STPG4: variants seen among roughly 807,000 people sequenced by gnomAD.
STPG4 encodes the protein sperm-tail PG-rich repeat containing 4.
A neutral mutation model predicts 31.5 loss-of-function variants in STPG4; 41 were observed. The observed-to-expected ratio is 1.30, with a 90% CI of 1.01 to 1.69. The LOEUF is 1.69. Among genes scored for constraint, STPG4 ranks in the 40% most tolerant of loss-of-function variants. The pLI, the probability that STPG4 is intolerant of heterozygous loss-of-function variation, is 0.00. For synonymous variants in STPG4, 141 were observed against 103.0 expected, an observed-to-expected ratio of 1.37 and a Z score of -2.24; for missense variants, 375 against 293.4, an observed-to-expected ratio of 1.28 and a Z score of -2.03.
chr2:47,149,067 A>G (rs1686884235), intron 3 of STPG4, among the ~76,000 whole-genome samples: 1 of 152,224 alleles, frequency 6.6e-6, no homozygotes, highest in Non-Finnish European at 1.5e-5. Flanking sequence ...TTTGAATTTT[A>G]CTGGTGACTA....
chr2:47,143,350 TA>T (rs1438642979), intron 3 of STPG4, among the ~76,000 whole-genome samples: 1 of 152,230 alleles, frequency 6.6e-6, no homozygotes, highest in Non-Finnish European at 1.5e-5. Context: ...AGTACTTATA[TA>T]GTTGATCACC....
chr2:47,151,258 C>A lies in STPG4; in HGVS notation c.399G>T (p.Gln133His), dbSNP rs562258261. Reference sequence around the variant, plus strand: ...AAGCAATCTGCCAGTAGCGCTTTACCTGATCTTTGTCAACTAGTGTGCTGG... The same window carrying A: ...AAGCAATCTGCCAGTAGCGCTTTACATGATCTTTGTCAACTAGTGTGCTGG... The part of the protein sequence containing the change: ...PSPSTLVDKD[Q>H]SLQLSPGQYN... The change falls in exon 3 of 7, where the codon CAG (glutamine) becomes CAT (histidine). Residue 133 changes from glutamine (Q) to histidine (H), a missense_variant and splice_region_variant. Physicochemically the swap from Gln to His is conservative, Grantham distance 24 (BLOSUM62 0). Coordinates refer to ENST00000445927, the MANE Select transcript of STPG4 (RefSeq NM_001163561.2). 5 of 1,614,108 alleles carry A rather than the reference C, an allele frequency of 3.1e-6. No homozygotes were observed. In the East Asian group the frequency reaches 1.1e-4, roughly 36 times the overall value.
intron 5 of STPG4, among the ~76,000 whole-genome samples, chr2:47,103,057 A>T (rs1274598363): frequency 2.0e-5 from 3 of 151,956 alleles, no homozygotes; most frequent in Non-Finnish European, 4.4e-5. Flanking sequence ...ACAGAATGAC[A>T]GCCGACGAAA....
chr2:47,089,584 T>C (rs1198332810), intron 6 of STPG4, among the ~76,000 whole-genome samples: 1 of 152,118 alleles, frequency 6.6e-6, no homozygotes, highest in Non-Finnish European at 1.5e-5. Context: ...CAGCAAGTCT[T>C]GGGGACTTTC....
chr2:47,094,429 G>A (rs954139557), intron 5 of STPG4, among the ~76,000 whole-genome samples: 1 of 152,288 alleles, frequency 6.6e-6, no homozygotes, highest in Admixed American at 6.5e-5. Flanking sequence ...CTCCTGATGA[G>A]AATATCATTC....
intron 5 of STPG4, among the ~76,000 whole-genome samples, chr2:47,101,460 C>A (rs760370308): frequency 6.6e-6 from 1 of 151,780 alleles, no homozygotes; most frequent in Non-Finnish European, 1.5e-5. Flanking sequence ...CTGACCCTTG[C>A]CCCCTGGGTC....
chr2:47,121,847 CGTGTGTGTGTGTGTGTGT>C (rs10538224), intron 5 of STPG4, among the ~76,000 whole-genome samples: 3 of 144,328 alleles, frequency 2.1e-5, no homozygotes, highest in South Asian at 4.5e-4. Context: ...GCCCTCTCCT[CGTGTGTGTGTGTGTGTGT>C]GTGTGTGTGT....
intron 5 of STPG4, among the ~76,000 whole-genome samples, chr2:47,117,623 A>G (rs1686178651): frequency 6.6e-6 from 1 of 152,224 alleles, no homozygotes; most frequent in South Asian, 2.1e-4. Context: ...TAATATGTAT[A>G]AGTTTGTGTG....
chr2:47,147,809 C>A (rs1249452572), intron 3 of STPG4, among the ~76,000 whole-genome samples: 1 of 151,912 alleles, frequency 6.6e-6, no homozygotes, highest in Non-Finnish European at 1.5e-5. Flanking sequence ...TACATATATT[C>A]TACAATGTGA....
intron 2 of STPG4, 67 bp downstream of exon 2, chr2:47,152,890 T>C: frequency 2.6e-6 from 3 of 1,174,550 alleles, no homozygotes; most frequent in South Asian, 1.5e-5. Context: ...TCTTAAAAGC[T>C]ATAATTGATT....
chr2:47,107,759 G>A lies in STPG4; in HGVS notation c.520-17385C>T, dbSNP rs893008488. ...CTGGGCTCCTGAGTCTGGTGGGGAC[G>A]TGGAGAACCTTTATGTCTAGCTCAG... is the stretch of plus-strand genomic sequence containing the variant. On this transcript the variant is annotated intron_variant, in intron 5 of 6. Transcript: ENST00000445927. Among the ~76,000 whole-genome samples the A allele has an allele frequency of 7.2e-5, 11 of 152,262 alleles. No homozygotes were observed. The East Asian group carries it at 1.2e-3, about 16-fold the overall frequency.
At chr2:47,088,446 T>C (rs982124835) in intron 6 of STPG4, among the ~76,000 whole-genome samples, 13 of 152,182 alleles carry the variant, frequency 8.5e-5, no homozygotes, top group Admixed American at 7.2e-4. Context: ...CCAACAAGCC[T>C]GAGTTCCAGT....
chr2:47,155,141 G>A lies in STPG4; in HGVS notation c.81+30C>T, dbSNP rs765464309. The stretch of plus-strand genomic sequence containing the variant: ...AGTGGGCCTGGTGAGGGGAGCAGGA[G>A]CCAGGCCGGCAAGGGGCAGGCCATC... On this transcript the variant is annotated intron_variant, in intron 1 of 6. Coordinates refer to ENST00000445927, the MANE Select transcript of STPG4 (RefSeq NM_001163561.2). 1.3e-5 allele frequency: 21 copies of A among 1,605,012 alleles called. No homozygotes were observed. In the East Asian group the frequency reaches 4.2e-4, roughly 32 times the overall value.
chr2:47,136,501 G>A (rs1485326087), intron 3 of STPG4, among the ~76,000 whole-genome samples: 2 of 152,104 alleles, frequency 1.3e-5, no homozygotes, highest in African/African-American at 4.8e-5. Context: ...TTTAGATCGT[G>A]TACATATTTT....
At chr2:47,141,759 T>C (rs974531399) in intron 3 of STPG4, among the ~76,000 whole-genome samples, 5 of 151,892 alleles carry the variant, frequency 3.3e-5, no homozygotes, top group Non-Finnish European at 7.4e-5. Flanking sequence ...CTGTTCAAAA[T>C]CAACACACAC....
intron 3 of STPG4, among the ~76,000 whole-genome samples, chr2:47,135,806 G>C (rs1394928500): frequency 6.6e-6 from 1 of 152,154 alleles, no homozygotes; most frequent in African/African-American, 2.4e-5. Flanking sequence ...ATTTTTGTGT[G>C]TCTATTTCTG....
At chr2:47,110,847 TG>T (rs1686019171) in intron 5 of STPG4, among the ~76,000 whole-genome samples, 1 of 152,258 alleles carries the variant, frequency 6.6e-6, no homozygotes, top group South Asian at 2.1e-4. Context: ...TTGTTTAAAA[TG>T]GCTGCCAAAT....
At chr2:47,099,602 C>A (rs996109438) in intron 5 of STPG4, among the ~76,000 whole-genome samples, 67 of 152,400 alleles carry the variant, frequency 4.4e-4, no homozygotes, top group African/African-American at 1.3e-3. Context: ...GCTCTCGGCG[C>A]CTCCTCTGCC....
chr2:47,103,931 C>T (rs370813785), intron 5 of STPG4, among the ~76,000 whole-genome samples: 1 of 151,964 alleles, frequency 6.6e-6, no homozygotes, highest in Non-Finnish European at 1.5e-5. Context: ...AGATCCATTA[C>T]CATCTGAGGA....
Sources: gnomAD v4.1 joint callset for allele counts (sites outside exome capture counted in the v4.1 genomes callset) on GRCh38, gnomAD v4.1.1 for gene constraint, MANE v1.5 for transcripts, NCBI Gene and HGNC (gene_info 2026-07-23, HGNC 2026-07-21) for gene names.